PRKD1: variants seen among roughly 807,000 people sequenced by gnomAD.
PRKD1 encodes the protein serine/threonine-protein kinase D1.
PRKD1 carries 63 observed loss-of-function variants against 95.9 expected under a neutral mutation model. The observed-to-expected ratio is 0.66, with a 90% CI of 0.54 to 0.81. The LOEUF (loss-of-function observed/expected upper bound fraction) is 0.81. PRKD1 is among the 30% of genes least tolerant of loss of function. PRKD1 has a pLI of 0.00. For synonymous variants in PRKD1, 425 were observed against 423.1 expected, an observed-to-expected ratio of 1.00 and a Z score of -0.05; for missense variants, 1,048 against 1,165.3, an observed-to-expected ratio of 0.90 and a Z score of 1.47.
chr14:29,657,318 T>G (rs1243977341), intron 4 of PRKD1: 1 of 152,366 alleles, frequency 6.6e-6, no homozygotes, highest in African/African-American at 2.4e-5. Context: ...CAGCTCTATC[T>G]GATAACTAGA....
At chr14:29,818,616 GAA>G (rs71108499) in intron 1 of PRKD1, among the ~76,000 whole-genome samples, 2 of 129,986 alleles carry the variant, frequency 1.5e-5, no homozygotes, top group Non-Finnish European at 3.2e-5. Context: ...TACTTCATTT[GAA>G]AAAAAAAAAA....
intron 1 of PRKD1, among the ~76,000 whole-genome samples, chr14:29,763,560 A>T (rs943569007): frequency 6.6e-6 from 1 of 151,992 alleles, no homozygotes; most frequent in Non-Finnish European, 1.5e-5. Context: ...GATTGTTGTT[A>T]ATGTTATGTT....
At chr14:29,737,088 C>G (rs1321716831) in intron 1 of PRKD1, among the ~76,000 whole-genome samples, 2 of 150,898 alleles carry the variant, frequency 1.3e-5, no homozygotes, top group South Asian at 4.2e-4. Context: ...TTTGGGAGGC[C>G]GAGGCGGGTG....
intron 1 of PRKD1, among the ~76,000 whole-genome samples, chr14:29,773,376 C>T (rs778870181): frequency 6.7e-6 from 1 of 149,690 alleles, no homozygotes. Flanking sequence ...AGGAGAATCA[C>T]TTGAACTTGG....
At chr14:29,633,609 A>G (rs1880172501) in intron 8 of PRKD1, among the ~76,000 whole-genome samples, 1 of 152,090 alleles carries the variant, frequency 6.6e-6, no homozygotes, top group African/African-American at 2.4e-5. Flanking sequence ...GTGTGTGTGT[A>G]TTTTTATCTT....
chr14:29,694,555 A>G (rs1324768625), intron 2 of PRKD1, among the ~76,000 whole-genome samples: 16 of 152,236 alleles, frequency 1.1e-4, no homozygotes, highest in Admixed American at 1.0e-3. Flanking sequence ...GTGAAAAATA[A>G]CAGATAGAGA....
At chr14:29,760,265 T>C (rs1887913783) in intron 1 of PRKD1, among the ~76,000 whole-genome samples, 1 of 152,000 alleles carries the variant, frequency 6.6e-6, no homozygotes, top group South Asian at 2.1e-4. Context: ...ATCCTGCTTG[T>C]ACCACTGGTT....
At position 29,636,320 on chromosome 14, in the gene PRKD1, G is replaced by C. The variant is rs914388242; in HGVS notation, c.1160C>G (p.Pro387Arg). Residue 387 changes from proline (P) to arginine (R), a missense_variant, in exon 7 of 18, where the codon CCA becomes CGA. This residue lies in a region of PRKD1 where 739 missense variants were observed against 861.9 expected (regional missense o/e 0.86). Coordinates refer to ENST00000331968, the MANE Select transcript of PRKD1 (RefSeq NM_002742.3). The part of the protein sequence containing the change: ...NDSGEMQDPD[P>R]DHEDANRTIS... ...GGTTCTGTTGGCGTCCTCGTGGTCT[G>C]GGTCTGGATCTTGCATCTCGCCACT... 2 of 1,614,096 alleles carry C rather than the reference G, an allele frequency of 1.2e-6. No individual in the cohort carries two copies. Among genetic ancestry groups the C allele is most frequent in the African/African-American group, 2.7e-5 (2 of 74,934 alleles).
intron 1 of PRKD1, among the ~76,000 whole-genome samples, chr14:29,865,914 T>A (rs1892882989): frequency 6.6e-6 from 1 of 152,158 alleles, no homozygotes; most frequent in Non-Finnish European, 1.5e-5. Flanking sequence ...CTTCCATACA[T>A]CTGGGATACA....
At chr14:29,806,079 A>G (rs1329066602) in intron 1 of PRKD1, among the ~76,000 whole-genome samples, 1 of 152,204 alleles carries the variant, frequency 6.6e-6, no homozygotes, top group Non-Finnish European at 1.5e-5. Flanking sequence ...ATAAATGCCC[A>G]GGAGAGGAAA....
intron 1 of PRKD1, among the ~76,000 whole-genome samples, chr14:29,879,872 G>A (rs1308208315): frequency 6.6e-6 from 1 of 152,082 alleles, no homozygotes; most frequent in Non-Finnish European, 1.5e-5. Context: ...AGAGATCTGT[G>A]GAACTTTGAA....
Position 29,666,288 on chromosome 14 carries a change from T to C in PRKD1, c.404-80A>G, listed in dbSNP as rs1328915412. The C allele has an allele frequency of 2.8e-6, 4 of 1,422,610 alleles. No individual in the cohort carries two copies. In the African/African-American group the frequency reaches 5.6e-5, roughly 20 times the overall value. 88.1% of individuals were successfully genotyped at this position (1,422,610 alleles called of 1,614,324 possible). On this transcript the variant is annotated intron_variant, in intron 2 of 17. Coordinates refer to ENST00000331968, the MANE Select transcript of PRKD1 (RefSeq NM_002742.3). The stretch of plus-strand genomic sequence containing the variant: ...TAAAAAGTATGCAAGATAATAAATA[T>C]GCCAGTACGGATATAACTCCCTAGG...
At chr14:29,630,388 C>T (rs557958589) in intron 10 of PRKD1, among the ~76,000 whole-genome samples, 1 of 152,120 alleles carries the variant, frequency 6.6e-6, no homozygotes, top group Non-Finnish European at 1.5e-5. Flanking sequence ...CTCCACCTAC[C>T]TTGGCCTCCC....
chr14:29,639,348 A>C (rs1375545670), intron 4 of PRKD1, among the ~76,000 whole-genome samples: 1 of 152,152 alleles, frequency 6.6e-6, no homozygotes, highest in Non-Finnish European at 1.5e-5. Flanking sequence ...ATGGTACTTC[A>C]TCGAAAAAAT....
At chr14:29,758,456 C>A (rs954777664) in intron 1 of PRKD1, among the ~76,000 whole-genome samples, 1 of 152,156 alleles carries the variant, frequency 6.6e-6, no homozygotes, top group African/African-American at 2.4e-5. Context: ...GTTGATATAA[C>A]GTAAAGGCCT....
At chr14:29,896,344 G>GT (rs1418650152) in intron 1 of PRKD1, among the ~76,000 whole-genome samples, 1 of 147,132 alleles carries the variant, frequency 6.8e-6, no homozygotes, top group African/African-American at 2.6e-5. Context: ...GGTTTTTAAG[G>GT]TTTCTACAGG....
chr14:29,676,557 G>C (rs1483359479), intron 2 of PRKD1, among the ~76,000 whole-genome samples: 1 of 152,172 alleles, frequency 6.6e-6, no homozygotes, highest in South Asian at 2.1e-4. Context: ...GTTTCACCAT[G>C]TTGACCAGGA....
chr14:29,794,775 T>C (rs939536494), intron 1 of PRKD1, among the ~76,000 whole-genome samples: 1 of 152,074 alleles, frequency 6.6e-6, no homozygotes, highest in East Asian at 1.9e-4. Context: ...TTATTTTGAA[T>C]TGTTTTCTTG....
intron 1 of PRKD1, among the ~76,000 whole-genome samples, chr14:29,849,927 G>A (rs57789658): frequency 0.027 from 4,173 of 152,122 alleles, 189 homozygotes; most frequent in African/African-American, 0.093. Flanking sequence ...GATTTCCCAC[G>A]TAAACAGAAT....
Sources: allele counts gnomAD v4.1 joint callset (sites outside exome capture counted in the v4.1 genomes callset), GRCh38; gene constraint gnomAD v4.1.1; regional missense constraint gnomAD v4.1.1; transcripts MANE v1.5; gene names NCBI Gene and HGNC (gene_info 2026-07-23, HGNC 2026-07-21).